The following LCT variants were observed in gnomAD, a reference collection of about 807,000 sequenced individuals.
The protein encoded by LCT is lactase.
In LCT, 90 loss-of-function variants were observed where a neutral mutation model predicts 173.0. That is an observed-to-expected ratio of 0.52 (90% CI 0.44 to 0.62). LCT has a LOEUF of 0.62. Ranked by LOEUF, LCT falls within the 20% of genes least tolerant of loss-of-function variation. The pLI, the probability that LCT is intolerant of heterozygous loss-of-function variation, is 0.00. For missense variants in LCT, 1,864 were observed against 2,431.4 expected, an observed-to-expected ratio of 0.77 and a Z score of 4.91; for synonymous variants, 853 against 957.6, an observed-to-expected ratio of 0.89 and a Z score of 2.02.
At chr2:135,830,189 C>T (rs2077923872) in intron 2 of LCT, among the ~76,000 whole-genome samples, 1 of 152,116 alleles carries the variant, frequency 6.6e-6, no homozygotes, top group Non-Finnish European at 1.5e-5. Flanking sequence ...TATCCCTAGC[C>T]AGGCCAAGAG....
In LCT at chr2:135,788,441, A is replaced by C. The variant is rs995128746; in HGVS notation, c.5667T>G (p.Ser1889=). The C allele has an allele frequency of 1.2e-6, 2 of 1,613,914 alleles. No individual in the cohort carries two copies. The highest frequency in any genetic ancestry group is 2.7e-5 in the African/African-American group (2 of 74,942). The change falls in exon 17 of 17, where the codon TCT becomes TCG. Residue 1889 remains serine, a synonymous_variant. Coordinates refer to ENST00000264162, the MANE Select transcript of LCT (RefSeq NM_002299.4). The stretch of plus-strand genomic sequence containing the variant: ...AGCCACAGACTCCAAGAAGCACAAG[A>C]GAAAAGAGAACGTACAAAGCTGTCT... The part of the protein sequence containing the change: ...EAQTALYVLF[S]LVLLGVCGLA...
At chr2:135,789,107 C>A (rs1486130912) in intron 16 of LCT, among the ~76,000 whole-genome samples, 1 of 152,222 alleles carries the variant, frequency 6.6e-6, no homozygotes, top group African/African-American at 2.4e-5. Context: ...TTTGAATTTT[C>A]AGATGAAGGA....
At position 135,807,055 on chromosome 2, in the gene LCT, C is replaced by T. The variant is rs1416803143; in HGVS notation, c.4173+73G>A. On this transcript the variant is annotated intron_variant, in intron 9 of 16. Coordinates refer to ENST00000264162, the MANE Select transcript of LCT (RefSeq NM_002299.4). ...TCTCCTGTTCATGCATCTGCCCTTC[C>T]CAGCACTGAGCCCAGAGCCTGGCAC... The T allele has an allele frequency of 1.9e-6, 3 of 1,556,362 alleles. No individual in the cohort carries two copies. In the African/African-American group the frequency reaches 4.1e-5, roughly 21 times the overall value.
intron 11 of LCT, among the ~76,000 whole-genome samples, chr2:135,802,909 C>T (rs952811210): frequency 2.0e-5 from 3 of 151,860 alleles, no homozygotes; most frequent in Admixed American, 6.6e-5. Context: ...GTCACGAGTT[C>T]GAGACCAGCC....
chr2:135,800,845 A>T (rs774678767), intron 11 of LCT, 36 bp from the exon 12 acceptor site: 1 of 1,505,618 alleles, frequency 6.6e-7, no homozygotes, highest in Non-Finnish European at 9.2e-7. Context: ...CAGAGAATGG[A>T]TAGAATGGAT....
chr2:135,822,246 C>A, intron 4 of LCT, 148 bp from the exon 5 acceptor site: 2 of 652,416 alleles, frequency 3.1e-6, no homozygotes, highest in South Asian at 3.5e-5. Context: ...GGGCTAACGA[C>A]TTTAAAAGCT....
chr2:135,801,497 C>T (rs2077627390), intron 11 of LCT, among the ~76,000 whole-genome samples: 1 of 151,852 alleles, frequency 6.6e-6, no homozygotes, highest in Non-Finnish European at 1.5e-5. Flanking sequence ...GGTGGATCAC[C>T]TGAGGTCAGG....
chr2:135,803,239 T>C (rs2077642305), intron 11 of LCT, among the ~76,000 whole-genome samples: 1 of 152,236 alleles, frequency 6.6e-6, no homozygotes, highest in African/African-American at 2.4e-5. Flanking sequence ...GTGATGAATA[T>C]ACTAATTATT....
chr2:135,797,036 C>T (rs1333044995), intron 13 of LCT, among the ~76,000 whole-genome samples: 1 of 151,330 alleles, frequency 6.6e-6, no homozygotes, highest in Non-Finnish European at 1.5e-5. Flanking sequence ...CAACCTCTGC[C>T]TCCCGAGCTC....
chr2:135,809,160 A>G lies in LCT; in HGVS notation c.3187T>C (p.Phe1063Leu). ...CATGCCAGGTACATGGGCTCATTAAAAGTCATCCAAAACTTGACTCTATCA... is the reference window on the plus strand; with the variant it reads ...CATGCCAGGTACATGGGCTCATTAAGAGTCATCCAAAACTTGACTCTATCA... ...FGDRVKFWMT[F>L]NEPMYLAWLG... is the part of the protein sequence containing the mutation. Residue 1063 changes from phenylalanine (F) to leucine (L), a missense_variant, in exon 8 of 17, where the codon TTT (phenylalanine) becomes CTT (leucine). By Grantham distance (22) the Phe-to-Leu change is conservative. Around this residue, in one of 4 missense-constraint regions of LCT, gnomAD observed 755 missense variants for 926.3 expected, o/e 0.82. Coordinates refer to ENST00000264162, the MANE Select transcript of LCT (RefSeq NM_002299.4). This position sits in a 1 kb window ranked among gnomAD's most constrained non-coding sequence, Gnocchi z 5.5. 1 of 1,614,202 alleles carries G rather than the reference A, an allele frequency of 6.2e-7. No homozygotes were observed. The highest frequency in any genetic ancestry group is 8.5e-7 in the Non-Finnish European group (1 of 1,180,036).
rs763911480 is a variant in LCT at position 135,800,714 on chromosome 2, G to A, written c.4759C>T (p.Arg1587Cys). Residue 1587 changes from arginine to cysteine, a missense_variant, in exon 12 of 17, where the codon CGC becomes TGC. Physicochemically the swap from Arg to Cys is radical, Grantham distance 180. This residue lies in a region of LCT where 514 missense variants were observed against 750.1 expected (regional missense o/e 0.69). Coordinates refer to ENST00000264162, the MANE Select transcript of LCT (RefSeq NM_002299.4). ...EAWHLYNDVY[R>C]ASQGGVISIT... ...GAAATCACGCCACCTTGACTGGCGCGGTACACATCGTTGTACAGATGCCAG... is the reference window on the plus strand; with the variant it reads ...GAAATCACGCCACCTTGACTGGCGCAGTACACATCGTTGTACAGATGCCAG... 8 of 1,613,874 alleles carry A rather than the reference G, an allele frequency of 5.0e-6. No individual in the cohort carries two copies. The highest frequency in any genetic ancestry group is 1.7e-5 in the Admixed American group (1 of 60,002).
chr2:135,834,630 A>G (rs1022943748), intron 1 of LCT, among the ~76,000 whole-genome samples: 2 of 150,456 alleles, frequency 1.3e-5, no homozygotes, highest in Non-Finnish European at 3.0e-5. Flanking sequence ...TCTACTAAAA[A>G]TACAAAAATT....
At chr2:135,798,162 G>T (rs1389529104) in intron 12 of LCT, 24 bp from the exon 13 acceptor site, 6 of 1,290,516 alleles carry the variant, frequency 4.6e-6, no homozygotes, top group Non-Finnish European at 6.8e-6. Flanking sequence ...GGGGGAGACA[G>T]CCCAGGCGTT....
chr2:135,813,037 T>A, intron 6 of LCT, 81 bp from the exon 7 acceptor site: 1 of 1,241,616 alleles, frequency 8.1e-7, no homozygotes, highest in Non-Finnish European at 1.2e-6. Context: ...CAATAACAAG[T>A]CAACAACAAT....
In LCT at chr2:135,800,294, G is replaced by A. The variant is rs186363165; in HGVS notation, c.4866+313C>T. On this transcript the variant is annotated intron_variant, in intron 12 of 16. Coordinates refer to ENST00000264162, the MANE Select transcript of LCT (RefSeq NM_002299.4). ...CTGTCACCTGGAGTTTAATGGTGCCGAAATCATGGCTCACTGCAACCTTGA... is the reference window on the plus strand; with the variant it reads ...CTGTCACCTGGAGTTTAATGGTGCCAAAATCATGGCTCACTGCAACCTTGA... Among the ~76,000 whole-genome samples, 10 of 152,204 alleles carry A rather than the reference G, an allele frequency of 6.6e-5. No homozygotes were observed. The South Asian group carries it at 1.0e-3, about 16-fold the overall frequency.
Position 135,822,010 on chromosome 2 carries a change from C to T in LCT, c.986+10G>A. ...AGTTATTGATAGTTCAATAGGCAACCTGACATTACCTTTTCTTGGAACTTG... is the reference window on the plus strand; with the variant it reads ...AGTTATTGATAGTTCAATAGGCAACTTGACATTACCTTTTCTTGGAACTTG... On this transcript the variant is annotated intron_variant, in intron 5 of 16. Coordinates refer to ENST00000264162, the MANE Select transcript of LCT (RefSeq NM_002299.4). 6.6e-7 allele frequency: 1 copy of T among 1,522,980 alleles called. No individual in the cohort carries two copies. Among genetic ancestry groups the T allele is most frequent in the Non-Finnish European group, 9.1e-7 (1 of 1,096,920 alleles). The allele number at this position is 1,522,980 out of a possible 1,614,324, so 94.3% of individuals were successfully genotyped here.
chr2:135,822,159 A>C, intron 4 of LCT, 61 bp from the exon 5 acceptor site: 1 of 1,016,488 alleles, frequency 9.8e-7, no homozygotes, highest in Non-Finnish European at 1.6e-6. Context: ...TGCAAGTCTG[A>C]AATCAACAGT....
intron 5 of LCT, among the ~76,000 whole-genome samples, chr2:135,818,924 C>A (rs535040704): frequency 6.6e-6 from 1 of 152,342 alleles, no homozygotes; most frequent in African/African-American, 2.4e-5. Context: ...TGATGTGGAC[C>A]AGTTGAATAT....
chr2:135,837,177 G>A lies in LCT; in HGVS notation c.-8C>T. On this transcript the variant is annotated 5_prime_UTR_variant, in exon 1 of 17. Coordinates refer to ENST00000264162, the MANE Select transcript of LCT (RefSeq NM_002299.4). ...ATGCCAAGACAGCTCCATTTTCTAG[G>A]AACTGTTAGGAGGTATGTGGAACCC... 6.2e-7 allele frequency: 1 copy of A among 1,610,964 alleles called. No homozygotes were observed. The highest frequency in any genetic ancestry group is 1.6e-4 in the Middle Eastern group (1 of 6,062).
Sources: allele counts gnomAD v4.1 joint callset (sites outside exome capture counted in the v4.1 genomes callset), GRCh38; gene constraint gnomAD v4.1.1; regional missense constraint gnomAD v4.1.1; non-coding constraint Gnocchi (gnomAD v3.1); transcripts MANE v1.5; gene names NCBI Gene and HGNC (gene_info 2026-07-23, HGNC 2026-07-21).